The following RYR1 variants were observed in gnomAD, a reference collection of about 807,000 sequenced individuals.
RYR1 encodes the protein central core disease of muscle.
RYR1 carries 342 observed loss-of-function variants against 583.5 expected under a neutral mutation model. The ratio of observed to expected loss-of-function variants is 0.59; its 90% CI spans 0.54 to 0.64. The LOEUF is 0.64. Among genes scored for constraint, RYR1 ranks in the 30% least tolerant of loss-of-function variants. The pLI, the probability that RYR1 is intolerant of heterozygous loss-of-function variation, is 0.00. For synonymous variants in RYR1, 2,791 were observed against 2,822.5 expected (o/e 0.99, Z 0.35); for missense variants, 6,032 against 6,917.2 (o/e 0.87, Z 4.54).
chr19:38,446,120 A>G (rs1316475351), intron 7 of RYR1, among the ~76,000 whole-genome samples: 1 of 152,086 alleles, frequency 6.6e-6, no homozygotes, highest in Admixed American at 6.6e-5. Context: ...TCAGACTCCA[A>G]CACCAGTGAA....
intron 93 of RYR1, among the ~76,000 whole-genome samples, chr19:38,569,014 AT>A (rs536234775): frequency 0.016 from 2,280 of 145,914 alleles, 41 homozygotes; most frequent in African/African-American, 0.051. Flanking sequence ...CTACAAAAGA[AT>A]TTTTTTTTTT....
chr19:38,460,250 C>T (rs1259434096), intron 19 of RYR1, 125 bp from the exon 20 acceptor site: 3 of 843,156 alleles, frequency 3.6e-6, no homozygotes, highest in Non-Finnish European at 6.2e-6. Context: ...ACTATGACTG[C>T]CCGGTGACCT....
chr19:38,436,835 C>A (rs1010775004), intron 1 of RYR1, among the ~76,000 whole-genome samples: 1 of 152,064 alleles, frequency 6.6e-6, no homozygotes, highest in Non-Finnish European at 1.5e-5. Flanking sequence ...ACAGCCCCCC[C>A]AAACTGATTT....
In RYR1 at chr19:38,475,335, A is replaced by G. The variant is rs137933390; in HGVS notation, c.4178A>G (p.Lys1393Arg). 5,531 of 1,599,366 alleles carry G rather than the reference A, an allele frequency of 3.5e-3. 20 individuals carry two copies. The highest frequency in any genetic ancestry group is 4.3e-3 in the Non-Finnish European group (5,053 of 1,172,704). ...ACTACCAGCTTCTTATTCAAGGCCA[A>G]GAAGGTCGCCATGATGACCCAGCCA... ...NKKRGFLFKA[K>R]KVAMMTQPPA... Residue 1393 changes from lysine to arginine, a missense_variant, in exon 29 of 106, where the codon AAG (lysine) becomes AGG (arginine). Coordinates refer to ENST00000359596, the MANE Select transcript of RYR1 (RefSeq NM_000540.3).
chr19:38,573,136 A>G lies in RYR1; in HGVS notation c.13999-41A>G, dbSNP rs141144440. ...TTCTGCTGAGACTATGGTCCAGCCA[A>G]GGTGCCTGACGCCCACCTTTGGCCT... On this transcript the variant is annotated intron_variant, in intron 95 of 105. Coordinates refer to ENST00000359596, the MANE Select transcript of RYR1 (RefSeq NM_000540.3). 1,201 of 1,611,884 alleles carry G rather than the reference A, an allele frequency of 7.5e-4. 7 individuals carry two copies. In the African/African-American group the frequency reaches 0.014, roughly 19 times the overall value.
At chr19:38,484,481 T>G (rs1214812870) in intron 33 of RYR1, among the ~76,000 whole-genome samples, 1 of 143,778 alleles carries the variant, frequency 7.0e-6, no homozygotes, top group Non-Finnish European at 1.5e-5. Context: ...CCTTCCTTTA[T>G]TCATTCATCC....
At chr19:38,501,841 C>T (rs1970135807) in intron 47 of RYR1, among the ~76,000 whole-genome samples, 2 of 152,088 alleles carry the variant, frequency 1.3e-5, no homozygotes, top group Admixed American at 1.3e-4. Flanking sequence ...TAAATATTAG[C>T]TGGGCATGGT....
Position 38,528,808 on chromosome 19 carries a change from G to T in RYR1, c.11034+113G>T, listed in dbSNP as rs1179838011. The T allele has an allele frequency of 3.5e-6, 5 of 1,432,686 alleles. No individual in the cohort carries two copies. In the East Asian group the frequency reaches 1.1e-4, roughly 33 times the overall value. 88.7% of individuals were successfully genotyped at this position (1,432,686 alleles called of 1,614,324 possible). On this transcript the variant is annotated intron_variant, in intron 75 of 105. Transcript: ENST00000359596. ...CCTCCACATCAAGGGGTATAGAAAT[G>T]CCAGCTCCTGGCTTGAGTAGAACCA... is the stretch of plus-strand genomic sequence containing the variant.
chr19:38,490,915 G>A (rs1969524884), intron 37 of RYR1, among the ~76,000 whole-genome samples, 183 bp downstream of exon 37: 1 of 152,230 alleles, frequency 6.6e-6, no homozygotes, highest in South Asian at 2.1e-4. Context: ...GTGTTTATAT[G>A]GGTATTTGGG....
At chr19:38,449,276 A>G (rs1966954560) in intron 11 of RYR1, among the ~76,000 whole-genome samples, 2 of 152,090 alleles carry the variant, frequency 1.3e-5, no homozygotes, top group African/African-American at 4.8e-5. Context: ...CCTGGCCAAC[A>G]TGGTGAAACC....
intron 25 of RYR1, 140 bp downstream of exon 25, chr19:38,467,952 A>T: frequency 1.4e-6 from 1 of 731,818 alleles, no homozygotes; most frequent in Non-Finnish European, 2.3e-6. Flanking sequence ...CCATCTATCC[A>T]TCCATTCAAC....
intron 34 of RYR1, 95 bp from the exon 35 acceptor site, chr19:38,489,082 G>T: frequency 9.4e-7 from 1 of 1,060,554 alleles, no homozygotes; most frequent in South Asian, 1.3e-5. Flanking sequence ...GGAATGATTG[G>T]CATGTGCATG....
chr19:38,444,224 A>G lies in RYR1; in HGVS notation c.500A>G (p.Asp167Gly). The G allele has an allele frequency of 2.5e-6, 4 of 1,614,034 alleles. No homozygotes were observed. The East Asian group carries it at 8.9e-5, about 36-fold the overall frequency. ...GGAGAAAAGGTCCGCGTTGGGGATGACATCATCCTTGTCAGTGTCTCCTCC... is the reference window on the plus strand; with the variant it reads ...GGAGAAAAGGTCCGCGTTGGGGATGGCATCATCCTTGTCAGTGTCTCCTCC... Reference protein sequence around the residue: ...SEGEKVRVGDDIILVSVSSER... With the variant: ...SEGEKVRVGDGIILVSVSSER... The change falls in exon 6 of 106, where the codon GAC (aspartate) becomes GGC (glycine). Residue 167 changes from aspartate (D) to glycine (G), a missense_variant. Physicochemically the swap from Asp to Gly is moderately conservative, Grantham distance 94 (BLOSUM62 -1). Transcript: ENST00000359596. The surrounding 1 kb of genome is among the most constrained non-coding windows in gnomAD (Gnocchi z 5.1).
At chr19:38,519,142 C>G in intron 66 of RYR1, 72 bp from the exon 67 acceptor site, 1 of 1,611,352 alleles carries the variant, frequency 6.2e-7, no homozygotes, top group South Asian at 1.1e-5. Flanking sequence ...GTTTGGGAGT[C>G]GGGCTGGGAA....
intron 89 of RYR1, among the ~76,000 whole-genome samples, chr19:38,557,394 C>T (rs1377833197): frequency 1.3e-5 from 2 of 152,180 alleles, no homozygotes; most frequent in Non-Finnish European, 2.9e-5. Flanking sequence ...GAAGTAATTG[C>T]AGGTTATAAT....
rs35822269 is a variant in RYR1 at position 38,507,155 on chromosome 19, T to TAAG, written c.8816+204_8816+206dup. On this transcript the variant is annotated intron_variant, in intron 57 of 105. Coordinates refer to ENST00000359596, the MANE Select transcript of RYR1 (RefSeq NM_000540.3). ...GGAGGAGTTCGAAATGGGCGGGGCTTAAGCACAGGCGGGACCAGAGAGGAG... is the reference window on the plus strand; with the variant it reads ...GGAGGAGTTCGAAATGGGCGGGGCTTAAGAAGCACAGGCGGGACCAGAGAGGAG... Among the ~76,000 whole-genome samples the TAAG allele has an allele frequency of 0.33, 46,869 of 141,928 alleles. 8,018 individuals are homozygous for TAAG. Among genetic ancestry groups the TAAG allele is most frequent in the South Asian group, 0.46 (2,042 of 4,410 alleles). The allele number at this position is 141,928 out of a possible 152,430, so 93.1% of individuals were successfully genotyped here.
At position 38,512,343 on chromosome 19, in the gene RYR1, G is replaced by A. The variant is rs201145095; in HGVS notation, c.9332G>A (p.Arg3111Gln). The change falls in exon 63 of 106, where the codon CGG becomes CAG. Residue 3111 changes from arginine to glutamine, a missense_variant. This residue lies in a region of RYR1 where 1,493 missense variants were observed against 1,715.5 expected (regional missense o/e 0.87). Transcript: ENST00000359596. The surrounding 1 kb of genome is among the most constrained non-coding windows in gnomAD (Gnocchi z 5.1). ...EDIEKMVENL[R>Q]LGKVSQARTQ... ...ATCGAGAAGATGGTGGAGAACCTGC[G>A]GCTGGGCAAGGTGTCGCAGGCGCGC... 10 of 1,614,198 alleles carry A rather than the reference G, an allele frequency of 6.2e-6. No homozygotes were observed. The highest frequency in any genetic ancestry group is 3.3e-5 in the Admixed American group (2 of 60,030).
chr19:38,572,291 C>T (rs1452011718), intron 95 of RYR1, 21 bp downstream of exon 95: 1 of 743,718 alleles, frequency 1.3e-6, no homozygotes, highest in Non-Finnish European at 1.8e-6. Context: ...GGCCATGGTT[C>T]TGGGGCAAGG....
chr19:38,541,146 G>C lies in RYR1; in HGVS notation c.11690-2201G>C, dbSNP rs78312940. ...GGCATGCCTGGGGAGCTTTAAAAGA[G>C]ACTTAAGCCCAGGTTTTGCCTTTAC... On this transcript the variant is annotated intron_variant, in intron 84 of 105. Transcript: ENST00000359596. Among the ~76,000 whole-genome samples the C allele has an allele frequency of 1.7e-3, 266 of 152,334 alleles. 1 individual carries two copies. Among genetic ancestry groups the C allele is most frequent in the South Asian group, 0.012 (56 of 4,832 alleles).
Sources: gnomAD v4.1 joint callset for allele counts (sites outside exome capture counted in the v4.1 genomes callset) on GRCh38, gnomAD v4.1.1 for gene constraint, gnomAD v4.1.1 regional missense constraint, Gnocchi (gnomAD v3.1) non-coding constraint, MANE v1.5 for transcripts, NCBI Gene and HGNC (gene_info 2026-07-23, HGNC 2026-07-21) for gene names.